PPP6R3: variants seen among roughly 807,000 people sequenced by gnomAD.
The protein encoded by PPP6R3 is protein phosphatase 6 regulatory subunit 3, also known as serine/threonine-protein phosphatase 6 regulatory subunit 3.
In PPP6R3, 38 loss-of-function variants were observed where a neutral mutation model predicts 110.7. The observed-to-expected ratio is 0.34, with a 90% CI of 0.26 to 0.45. The LOEUF (loss-of-function observed/expected upper bound fraction) is 0.45, where lower values mean the gene tolerates loss of function less well. Ranked by LOEUF, PPP6R3 falls within the 20% of genes least tolerant of loss-of-function variation. PPP6R3 has a pLI of 1.00. For missense variants in PPP6R3, 870 were observed against 1,062.4 expected (o/e 0.82, Z 2.52); for synonymous variants, 369 against 373.5 (o/e 0.99, Z 0.14).
chr11:68,510,092 G>A (rs2153527787), intron 1 of PPP6R3, among the ~76,000 whole-genome samples: 1 of 140,270 alleles, frequency 7.1e-6, no homozygotes, highest in Middle Eastern at 3.8e-3. Context: ...TTTTGTAGAG[G>A]TGGGGGTCTC....
Position 68,545,019 on chromosome 11 carries a change from G to A in PPP6R3, c.409G>A (p.Glu137Lys). Reference protein sequence around the residue: ...VLSILISRKPEQIVDFLKKKH... With the variant: ...VLSILISRKPKQIVDFLKKKH... ...AAGTATTCTTATCAGCAGAAAACCA[G>A]AACAGGTAAATATGATTTTCCAAAA... is the stretch of plus-strand genomic sequence containing the variant. Residue 137 changes from glutamate (E) to lysine (K), a missense_variant, in exon 4 of 24, where the codon GAA becomes AAA. Transcript: ENST00000393800. The A allele has an allele frequency of 6.3e-7, 1 of 1,596,324 alleles. No individual in the cohort carries two copies. The highest frequency in any genetic ancestry group is 1.7e-5 in the Admixed American group (1 of 59,824).
intron 1 of PPP6R3, among the ~76,000 whole-genome samples, chr11:68,497,531 T>G (rs2099024949): frequency 6.6e-6 from 1 of 151,914 alleles, no homozygotes; most frequent in Admixed American, 6.6e-5. Context: ...TTTTTTGTAT[T>G]TTTTGTAGAA....
intron 15 of PPP6R3, among the ~76,000 whole-genome samples, chr11:68,584,873 A>G (rs1030251355): frequency 6.6e-6 from 1 of 152,214 alleles, no homozygotes; most frequent in African/African-American, 2.4e-5. Context: ...GTTTAAACCA[A>G]TCATGGATCA....
chr11:68,511,728 G>A (rs558949409), intron 1 of PPP6R3, among the ~76,000 whole-genome samples: 10 of 145,538 alleles, frequency 6.9e-5, no homozygotes, highest in South Asian at 2.2e-4. Flanking sequence ...TGATCCACCC[G>A]CCTCGGCCTC....
At chr11:68,573,041 C>T (rs1404515119) in intron 12 of PPP6R3, among the ~76,000 whole-genome samples, 1 of 140,684 alleles carries the variant, frequency 7.1e-6, no homozygotes, top group African/African-American at 2.7e-5. Flanking sequence ...AAAAATCTTT[C>T]GTTTGATAGA....
chr11:68,487,125 G>A (rs970192013), intron 1 of PPP6R3, among the ~76,000 whole-genome samples: 2 of 152,010 alleles, frequency 1.3e-5, no homozygotes, highest in African/African-American at 4.8e-5. Context: ...GAATTAATTT[G>A]CTCTACTTTT....
intron 1 of PPP6R3, among the ~76,000 whole-genome samples, chr11:68,497,519 A>AT (rs879459691): frequency 2.0e-4 from 30 of 150,940 alleles, no homozygotes; most frequent in Non-Finnish European, 2.4e-4. Flanking sequence ...CGCCTGACTG[A>AT]TTTTTTTGTA....
At chr11:68,563,686 C>T (rs7119422) in intron 8 of PPP6R3, among the ~76,000 whole-genome samples, 89,508 of 152,124 alleles carry the variant, frequency 0.59, 28,312 homozygotes, top group South Asian at 0.8. Context: ...GAAAGTGATA[C>T]AGCCACTTCA....
At chr11:68,611,127 G>A (rs1308070014) in intron 23 of PPP6R3, among the ~76,000 whole-genome samples, 1 of 152,242 alleles carries the variant, frequency 6.6e-6, no homozygotes, top group Non-Finnish European at 1.5e-5. Flanking sequence ...GCACTGGGAA[G>A]CTGCCTCAAC....
At chr11:68,595,249 C>G (rs888216039) in intron 18 of PPP6R3, among the ~76,000 whole-genome samples, 4 of 39,588 alleles carry the variant, frequency 1.0e-4, no homozygotes, top group African/African-American at 6.4e-5. Flanking sequence ...GAGTTTTGTT[C>G]TTCTTGTCCA....
chr11:68,530,189 T>TCA, intron 2 of PPP6R3, among the ~76,000 whole-genome samples: 1 of 152,232 alleles, frequency 6.6e-6, no homozygotes, highest in African/African-American at 2.4e-5. Context: ...CTTATTTCTG[T>TCA]TAGACGGGTC....
chr11:68,490,922 A>T (rs1353257069), intron 1 of PPP6R3, among the ~76,000 whole-genome samples: 1 of 152,170 alleles, frequency 6.6e-6, no homozygotes, highest in Non-Finnish European at 1.5e-5. Context: ...GTGGCCGGGC[A>T]TGGCCTGTAA....
At chr11:68,511,971 T>A (rs1450868760) in intron 1 of PPP6R3, among the ~76,000 whole-genome samples, 2 of 152,172 alleles carry the variant, frequency 1.3e-5, no homozygotes, top group African/African-American at 4.8e-5. Flanking sequence ...CCCCATTGGA[T>A]CTCCTATTCC....
chr11:68,466,812 T>A (rs752369257), intron 1 of PPP6R3, among the ~76,000 whole-genome samples: 7 of 152,214 alleles, frequency 4.6e-5, no homozygotes, highest in Admixed American at 6.5e-5. Context: ...ATGGGGTTTC[T>A]CCGTGTTAGC....
chr11:68,558,409 T>C lies in PPP6R3; in HGVS notation c.732-157T>C, dbSNP rs1415099900. The C allele has an allele frequency of 1.5e-5, 7 of 482,314 alleles. No individual in the cohort carries two copies. In the Admixed American group the frequency reaches 2.9e-4, roughly 20 times the overall value. The allele number at this position is 482,314 out of a possible 1,614,324, so 29.9% of individuals were successfully genotyped here. On this transcript the variant is annotated intron_variant, in intron 7 of 23. Coordinates refer to ENST00000393800, the MANE Select transcript of PPP6R3 (RefSeq NM_001164161.2). ...GTGTGTAATTTATAAATAGGATCAA[T>C]TGCCTACTTTAATAAGTATATAGAA...
At chr11:68,595,795 A>G (rs2099612202) in intron 18 of PPP6R3, among the ~76,000 whole-genome samples, 2 of 152,214 alleles carry the variant, frequency 1.3e-5, no homozygotes, top group East Asian at 1.9e-4. Context: ...GTCATTAGGA[A>G]AGTACAAATG....
intron 2 of PPP6R3, among the ~76,000 whole-genome samples, chr11:68,530,520 G>A (rs1486494559): frequency 6.6e-6 from 1 of 152,206 alleles, no homozygotes; most frequent in African/African-American, 2.4e-5. Flanking sequence ...ACTTCTACTA[G>A]AAATATCTTA....
chr11:68,532,191 A>C (rs1360764586), intron 2 of PPP6R3, among the ~76,000 whole-genome samples: 1 of 152,214 alleles, frequency 6.6e-6, no homozygotes. Flanking sequence ...CTTTGATATC[A>C]TGAAGGTTTT....
chr11:68,480,137 T>A (rs982507352), intron 1 of PPP6R3, among the ~76,000 whole-genome samples: 9 of 152,318 alleles, frequency 5.9e-5, no homozygotes, highest in Middle Eastern at 6.8e-3. Flanking sequence ...TTAGATCTTA[T>A]ATTTAGTATA....
Sources: allele counts gnomAD v4.1 joint callset (sites outside exome capture counted in the v4.1 genomes callset), GRCh38; gene constraint gnomAD v4.1.1; transcripts MANE v1.5; gene names NCBI Gene and HGNC (gene_info 2026-07-23, HGNC 2026-07-21).